Variants in CIMAP1C observed in about 807,000 individuals in gnomAD.
CIMAP1C encodes outer dense fiber of sperm tails 3 like 1.
At chr15:75,726,534 T>C in the CIMAP1C span, among the ~76,000 whole-genome samples, 1 of 152,194 alleles carries the variant, frequency 6.6e-6, no homozygotes, top group Non-Finnish European at 1.5e-5. Flanking sequence ...AGGGGAATGT[T>C]ATGATGACAT....
the CIMAP1C span, chr15:75,724,090 C>T: frequency 4.2e-6 from 3 of 713,732 alleles, no homozygotes; most frequent in Admixed American, 2.1e-5. Flanking sequence ...TCCCAGCTTC[C>T]TCCGTGTCTG....
At chr15:75,725,954 C>A in the CIMAP1C span, 3 of 681,084 alleles carry the variant, frequency 4.4e-6, no homozygotes, top group African/African-American at 1.8e-5. Context: ...CACCCAGGAG[C>A]CACAGAATCT....
the CIMAP1C span, among the ~76,000 whole-genome samples, chr15:75,726,574 T>C: frequency 3.9e-5 from 6 of 152,156 alleles, no homozygotes; most frequent in Admixed American, 3.3e-4. Flanking sequence ...ACCACTGTGT[T>C]GCCATCCTGA....
chr15:75,726,195 G>T, the CIMAP1C span: 11 of 1,306,470 alleles, frequency 8.4e-6, no homozygotes, highest in African/African-American at 1.5e-5. Context: ...ATGGACAGAT[G>T]TTGGGGGTTG....
At chr15:75,724,437 C>A in the CIMAP1C span, 1 of 715,284 alleles carries the variant, frequency 1.4e-6, no homozygotes, top group Non-Finnish European at 2.5e-6. Flanking sequence ...CCTGAGCCTC[C>A]AAGCTGACCC....
chr15:75,725,574 C>T, the CIMAP1C span, among the ~76,000 whole-genome samples: 1 of 152,184 alleles, frequency 6.6e-6, no homozygotes, highest in African/African-American at 2.4e-5. Context: ...GTGGTGGCCC[C>T]CAGAGCTCCT....
the CIMAP1C span, among the ~76,000 whole-genome samples, chr15:75,726,656 C>A: frequency 1.3e-5 from 2 of 152,030 alleles, no homozygotes; most frequent in Non-Finnish European, 2.9e-5. Context: ...CGCTCTGTTG[C>A]CCAGGCTGGA....
the CIMAP1C span, chr15:75,727,145 G>A: frequency 6.2e-7 from 1 of 1,614,038 alleles, no homozygotes; most frequent in Non-Finnish European, 8.5e-7. Context: ...GTACACGTTT[G>A]GCTACCGGCG....
At chr15:75,725,709 G>A in the CIMAP1C span, among the ~76,000 whole-genome samples, 1 of 152,184 alleles carries the variant, frequency 6.6e-6, no homozygotes, top group Non-Finnish European at 1.5e-5. Context: ...GCCTTTCCCT[G>A]GGGAGAATAC....
the CIMAP1C span, among the ~76,000 whole-genome samples, chr15:75,726,640 G>A: frequency 3.2e-3 from 494 of 152,114 alleles, 1 homozygote; most frequent in Non-Finnish European, 5.7e-3. Context: ...TATTTAGATC[G>A]AGTCTCGCTC....
chr15:75,724,607 G>A, the CIMAP1C span, among the ~76,000 whole-genome samples: 5 of 152,204 alleles, frequency 3.3e-5, no homozygotes, highest in South Asian at 4.1e-4. Context: ...GACAGCAGAC[G>A]CTAATTCTTA....
At chr15:75,724,119 T>G in the CIMAP1C span, 1 of 854,676 alleles carries the variant, frequency 1.2e-6, no homozygotes. Flanking sequence ...GATGGGGGGG[T>G]CTCAGGCAGG....
the CIMAP1C span, chr15:75,726,033 G>A: frequency 6.5e-7 from 1 of 1,535,278 alleles, no homozygotes. Context: ...GGGCTGACCA[G>A]GCCCTCTCCT....
the CIMAP1C span, chr15:75,727,044 G>A: frequency 2.2e-5 from 35 of 1,604,980 alleles, no homozygotes; most frequent in Middle Eastern, 1.7e-4. Flanking sequence ...CTCCCTTCCC[G>A]CCACTCCCTT....
At chr15:75,725,989 G>A in the CIMAP1C span, 4 of 987,034 alleles carry the variant, frequency 4.1e-6, no homozygotes, top group South Asian at 5.7e-5. Flanking sequence ...ATCTTGCCTG[G>A]AGGCAGGCCA....
At chr15:75,725,839 G>A in the CIMAP1C span, among the ~76,000 whole-genome samples, 1 of 152,226 alleles carries the variant, frequency 6.6e-6, no homozygotes, top group Non-Finnish European at 1.5e-5. Context: ...TGCCCAAGCT[G>A]CTGGGCAGCT....
At chr15:75,727,416 G>GGC in the CIMAP1C span, 3 of 1,613,842 alleles carry the variant, frequency 1.9e-6, no homozygotes, top group Admixed American at 5.0e-5. Flanking sequence ...CTCACGCCAC[G>GGC]GCCTGGCCCC....
the CIMAP1C span, chr15:75,727,368 C>T: frequency 6.2e-7 from 1 of 1,614,168 alleles, no homozygotes. Flanking sequence ...CGCAGCCCTA[C>T]TTACAGCATG....
the CIMAP1C span, chr15:75,726,159 A>G: frequency 3.1e-6 from 5 of 1,608,502 alleles, no homozygotes; most frequent in African/African-American, 5.4e-5. Flanking sequence ...GGAGGAGCGC[A>G]TCTCCAACCT....
Sources: allele counts gnomAD v4.1 joint callset (sites outside exome capture counted in the v4.1 genomes callset), GRCh38; gene constraint gnomAD v4.1.1; transcripts MANE v1.5; gene names NCBI Gene and HGNC (gene_info 2026-07-23, HGNC 2026-07-21).